Variants in TRAK1 observed in about 807,000 individuals in gnomAD.
TRAK1 encodes the protein trafficking kinesin protein 1, also known as trafficking kinesin-binding protein 1.
TRAK1 carries 33 observed loss-of-function variants against 92.1 expected under a neutral mutation model. That is an observed-to-expected ratio of 0.36 (90% CI 0.27 to 0.48). The LOEUF is 0.48. Among genes scored for constraint, TRAK1 ranks in the 20% least tolerant of loss-of-function variants. The pLI, the probability that TRAK1 is intolerant of heterozygous loss-of-function variation, is 0.99. For synonymous variants in TRAK1, 521 were observed against 517.3 expected, an observed-to-expected ratio of 1.01 and a Z score of -0.10; for missense variants, 1,123 against 1,257.9, an observed-to-expected ratio of 0.89 and a Z score of 1.62.
At chr3:42,138,367 C>A (rs1159928023) in intron 2 of TRAK1, among the ~76,000 whole-genome samples, 2 of 152,172 alleles carry the variant, frequency 1.3e-5, no homozygotes, top group Non-Finnish European at 2.9e-5. Flanking sequence ...CCAATATCCT[C>A]TTCCCAGGGC....
At chr3:42,181,370 G>T (rs986035946) in intron 3 of TRAK1, among the ~76,000 whole-genome samples, 13 of 152,086 alleles carry the variant, frequency 8.5e-5, no homozygotes, top group African/African-American at 2.9e-4. Flanking sequence ...ATGGTGAAAC[G>T]CCATTTCTAC....
chr3:42,155,684 T>C (rs560384151), intron 2 of TRAK1, among the ~76,000 whole-genome samples: 11 of 152,368 alleles, frequency 7.2e-5, no homozygotes, highest in Middle Eastern at 3.4e-3. Context: ...AAGCTTTTTG[T>C]AATGCAGTAA....
At chr3:42,080,297 T>C (rs1704370043) in intron 1 of TRAK1, among the ~76,000 whole-genome samples, 1 of 152,078 alleles carries the variant, frequency 6.6e-6, no homozygotes, top group African/African-American at 2.4e-5. Flanking sequence ...GATCATTGAG[T>C]TGAGAAGAGT....
At chr3:42,217,671 ATC>A (rs1264622761) in intron 14 of TRAK1, 84 of 985,066 alleles carry the variant, frequency 8.5e-5, no homozygotes, top group Non-Finnish European at 1.0e-4. Context: ...TTTAAATGTT[ATC>A]TCTCTTTCAA....
chr3:42,114,755 C>T (rs9861726), intron 1 of TRAK1, among the ~76,000 whole-genome samples: 73,868 of 151,814 alleles, frequency 0.49, 18,109 homozygotes, highest in South Asian at 0.6. Flanking sequence ...CTCTGTTGCC[C>T]AGGCTGGAGT....
chr3:42,043,683 G>A (rs764618339), intron 1 of TRAK1, among the ~76,000 whole-genome samples: 22 of 151,922 alleles, frequency 1.4e-4, no homozygotes, highest in South Asian at 2.1e-4. Flanking sequence ...TGTCTGCAGC[G>A]TTTGGCCATT....
intron 2 of TRAK1, among the ~76,000 whole-genome samples, chr3:42,144,802 CT>C (rs1699129327): frequency 6.6e-6 from 1 of 150,618 alleles, no homozygotes; most frequent in African/African-American, 2.5e-5. Flanking sequence ...TAAAATTGTA[CT>C]GGAGAAAACA....
At chr3:42,193,235 C>G (rs754793030) in intron 8 of TRAK1, 30 bp downstream of exon 8, 22 of 1,611,476 alleles carry the variant, frequency 1.4e-5, no homozygotes, top group Non-Finnish European at 1.8e-5. Flanking sequence ...CTGGCTGATA[C>G]AACAATGGCC....
At chr3:42,050,375 G>GGA (rs1276635679) in intron 1 of TRAK1, among the ~76,000 whole-genome samples, 3 of 152,176 alleles carry the variant, frequency 2.0e-5, no homozygotes, top group African/African-American at 7.2e-5. Context: ...TGCAGGAGCT[G>GGA]GAGAGGTATC....
chr3:42,095,618 A>G (rs1705788230), intron 1 of TRAK1, among the ~76,000 whole-genome samples: 1 of 152,198 alleles, frequency 6.6e-6, no homozygotes, highest in Non-Finnish European at 1.5e-5. Flanking sequence ...CTTGATCTGC[A>G]TTGTAAGATG....
chr3:42,105,927 T>C (rs1284542965), intron 1 of TRAK1, among the ~76,000 whole-genome samples: 5 of 152,288 alleles, frequency 3.3e-5, no homozygotes, highest in African/African-American at 1.2e-4. Context: ...CTAAGCTTCA[T>C]AAGTGAAGGA....
At chr3:42,181,671 A>G (rs1457637991) in intron 3 of TRAK1, among the ~76,000 whole-genome samples, 1 of 152,242 alleles carries the variant, frequency 6.6e-6, no homozygotes, top group Non-Finnish European at 1.5e-5. Context: ...CTGATGAAGC[A>G]ACTGCTGAGT....
chr3:42,027,247 G>A (rs1464648472), intron 1 of TRAK1, among the ~76,000 whole-genome samples: 1 of 152,116 alleles, frequency 6.6e-6, no homozygotes, highest in Non-Finnish European at 1.5e-5. Flanking sequence ...TTTTTGGCCG[G>A]GCGTGGTGGC....
At chr3:42,219,686 T>C (rs937872028) in intron 15 of TRAK1, 90 bp downstream of exon 15, 20 of 1,461,122 alleles carry the variant, frequency 1.4e-5, no homozygotes, top group Non-Finnish European at 1.9e-5. Flanking sequence ...GAAAGCCAAG[T>C]AGAGAGGCTC....
intron 2 of TRAK1, among the ~76,000 whole-genome samples, chr3:42,162,906 G>A (rs1034322446): frequency 2.0e-5 from 3 of 152,144 alleles, no homozygotes; most frequent in Non-Finnish European, 4.4e-5. Flanking sequence ...GTAGATACAT[G>A]TATTAAACTT....
intron 2 of TRAK1, among the ~76,000 whole-genome samples, chr3:42,170,824 CTTTT>C (rs772908047): frequency 7.2e-6 from 1 of 139,636 alleles, no homozygotes; most frequent in Non-Finnish European, 1.6e-5. Flanking sequence ...TCTTGAATAT[CTTTT>C]TTTTTTTTTT....
chr3:42,144,732 T>C (rs1462043414), intron 2 of TRAK1, among the ~76,000 whole-genome samples: 3 of 152,242 alleles, frequency 2.0e-5, no homozygotes, highest in Non-Finnish European at 4.4e-5. Flanking sequence ...GAGAATATAT[T>C]GTTCCATATA....
intron 1 of TRAK1, among the ~76,000 whole-genome samples, chr3:42,040,680 CTTT>C (rs569797970): frequency 7.0e-6 from 1 of 142,942 alleles, no homozygotes; most frequent in African/African-American, 2.6e-5. Flanking sequence ...AGTACTACAC[CTTT>C]TTTTTTTTTT....
rs1017074610 is a variant in TRAK1 at position 42,202,351 on chromosome 3, T to G, written c.1428-85T>G. ...GAGAATCCTGTAGCCCCAGGGAACGTCCACCGCTGTGCATTGAGCAGTCGG... is the reference window on the plus strand; with the variant it reads ...GAGAATCCTGTAGCCCCAGGGAACGGCCACCGCTGTGCATTGAGCAGTCGG... On this transcript the variant is annotated intron_variant, in intron 12 of 15. Transcript: ENST00000327628. The surrounding 1 kb of genome is among the most constrained non-coding windows in gnomAD (Gnocchi z 6.1). 2.3e-6 allele frequency: 3 copies of G among 1,322,612 alleles called. No homozygotes were observed. Among genetic ancestry groups the G allele is most frequent in the Non-Finnish European group, 2.9e-6 (3 of 1,017,970 alleles). The allele number at this position is 1,322,612 out of a possible 1,614,324, so 81.9% of individuals were successfully genotyped here.
Sources: gnomAD v4.1 joint callset for allele counts (sites outside exome capture counted in the v4.1 genomes callset) on GRCh38, gnomAD v4.1.1 for gene constraint, Gnocchi (gnomAD v3.1) non-coding constraint, MANE v1.5 for transcripts, NCBI Gene and HGNC (gene_info 2026-07-23, HGNC 2026-07-21) for gene names.